PYM1: variants seen among roughly 807,000 people sequenced by gnomAD.
The protein encoded by PYM1 is partner of Y14 and mago.
A neutral mutation model predicts 20.7 loss-of-function variants in PYM1; 7 were observed. The observed-to-expected ratio is 0.34, with a 90% CI of 0.19 to 0.64. The LOEUF (loss-of-function observed/expected upper bound fraction) is 0.64, where lower values mean the gene tolerates loss of function less well. Ranked by LOEUF, PYM1 falls within the 30% of genes least tolerant of loss-of-function variation. The pLI, the probability that PYM1 is intolerant of heterozygous loss-of-function variation, is 0.74. For missense variants in PYM1, 194 were observed against 250.0 expected (o/e 0.78, Z 1.51); for synonymous variants, 100 against 99.2 (o/e 1.01, Z -0.05).
At chr12:55,914,170 G>C in intron 1 of PYM1, 3 of 624,046 alleles carry the variant, frequency 4.8e-6, no homozygotes, top group Non-Finnish European at 8.7e-6. Flanking sequence ...AGGTTTAGGA[G>C]GACTAAAGAT....
intron 1 of PYM1, among the ~76,000 whole-genome samples, chr12:55,907,855 C>T (rs1332549236): frequency 2.6e-5 from 4 of 152,036 alleles, no homozygotes; most frequent in Non-Finnish European, 5.9e-5. Context: ...AGGAAAATCA[C>T]TTGAACCCGG....
intron 2 of PYM1, 108 bp from the exon 3 acceptor site, chr12:55,902,463 T>C: frequency 1.4e-6 from 2 of 1,446,290 alleles, no homozygotes; most frequent in Non-Finnish European, 1.8e-6. Flanking sequence ...CTTCCTTTTT[T>C]TGTTGTTGTT....
chr12:55,918,391 C>T (rs559450608), intron 1 of PYM1, among the ~76,000 whole-genome samples: 177 of 152,100 alleles, frequency 1.2e-3, no homozygotes, highest in Admixed American at 3.8e-3. Context: ...TGAGCCACTG[C>T]GCCCAACCAC....
chr12:55,913,011 C>G (rs2136263094), intron 1 of PYM1, among the ~76,000 whole-genome samples: 1 of 152,190 alleles, frequency 6.6e-6, no homozygotes, highest in East Asian at 1.9e-4. Flanking sequence ...AAATCTCAAC[C>G]TGACCCATGT....
At chr12:55,903,540 G>A (rs1882731820) in intron 1 of PYM1, 60 bp from the exon 2 acceptor site, 2 of 1,533,846 alleles carry the variant, frequency 1.3e-6, no homozygotes, top group African/African-American at 2.7e-5. Context: ...TACAAGATGA[G>A]ACAAGAATGT....
chr12:55,927,388 C>G (rs935346177), intron 1 of PYM1: 4 of 716,658 alleles, frequency 5.6e-6, no homozygotes, highest in Non-Finnish European at 1.0e-5. Flanking sequence ...CACAGTCCCT[C>G]TCATCCCCAG....
rs58895827 is a variant in PYM1 at position 55,906,199 on chromosome 12, T to A, written c.38-2719A>T. Among the ~76,000 whole-genome samples, 335 of 151,180 alleles carry A rather than the reference T, an allele frequency of 2.2e-3. 5 individuals carry two copies. In the East Asian group the frequency reaches 0.028, roughly 13 times the overall value. Reference sequence around the variant, plus strand: ...TACTGCTCCATGAGAAGAAAGTTTGTTCAGCTTGCAATTCAGACAACCATC... The same window carrying A: ...TACTGCTCCATGAGAAGAAAGTTTGATCAGCTTGCAATTCAGACAACCATC... On this transcript the variant is annotated intron_variant, in intron 1 of 2. Transcript: ENST00000408946.
chr12:55,911,828 C>A lies in PYM1; in HGVS notation c.38-8348G>T, dbSNP rs1391344165. On this transcript the variant is annotated intron_variant, in intron 1 of 2. Transcript: ENST00000408946. ...TGCACTCTAGCCTGGGTGACAAGAG[C>A]GAAACTCCATCAAGAAAAGAGAAGG... 2.0e-5 allele frequency among the ~76,000 whole-genome samples: 3 copies of A among 147,784 alleles called. No homozygotes were observed. In the East Asian group the frequency reaches 6.2e-4, roughly 30 times the overall value.
intron 1 of PYM1, among the ~76,000 whole-genome samples, chr12:55,918,000 G>T (rs911177368): frequency 6.6e-6 from 1 of 151,188 alleles, no homozygotes; most frequent in African/African-American, 2.4e-5. Flanking sequence ...TTAACTATTG[G>T]GTACTAAGCT....
intron 1 of PYM1, among the ~76,000 whole-genome samples, chr12:55,906,717 C>T (rs968229345): frequency 2.0e-5 from 3 of 151,976 alleles, no homozygotes; most frequent in South Asian, 2.1e-4. Context: ...GGTGCAGTCT[C>T]GGCTCACTGC....
intron 1 of PYM1, among the ~76,000 whole-genome samples, chr12:55,910,290 A>T (rs910869759): frequency 2.1e-5 from 3 of 144,052 alleles, no homozygotes; most frequent in Non-Finnish European, 3.0e-5. Flanking sequence ...TATATATAAA[A>T]TTTTTTTTGA....
intron 1 of PYM1, among the ~76,000 whole-genome samples, chr12:55,921,042 T>A (rs1267662593): frequency 1.3e-5 from 2 of 152,198 alleles, no homozygotes; most frequent in Non-Finnish European, 1.5e-5. Context: ...CTGGTAGCAG[T>A]GTATCTGTAG....
intron 1 of PYM1, among the ~76,000 whole-genome samples, chr12:55,912,677 A>G (rs550714183): frequency 1.3e-5 from 2 of 152,264 alleles, no homozygotes; most frequent in East Asian, 1.9e-4. Flanking sequence ...CTAGAAACAA[A>G]TATTTGGCTG....
intron 1 of PYM1, among the ~76,000 whole-genome samples, chr12:55,907,301 T>C (rs545681565): frequency 6.6e-6 from 1 of 150,506 alleles, no homozygotes; most frequent in African/African-American, 2.4e-5. Flanking sequence ...CTGCCTCTAC[T>C]AAAAATACAA....
At chr12:55,908,380 T>C (rs1312688087) in intron 1 of PYM1, among the ~76,000 whole-genome samples, 1 of 146,368 alleles carries the variant, frequency 6.8e-6, no homozygotes, top group Non-Finnish European at 1.5e-5. Flanking sequence ...AGTGAGCCAA[T>C]ATCGTGCTAC....
At chr12:55,922,985 G>A (rs574304766) in intron 1 of PYM1, among the ~76,000 whole-genome samples, 5 of 152,314 alleles carry the variant, frequency 3.3e-5, no homozygotes, top group African/African-American at 1.2e-4. Context: ...CAGCACTTTG[G>A]GAGGCCGAGG....
intron 1 of PYM1, among the ~76,000 whole-genome samples, chr12:55,922,520 G>A (rs906288926): frequency 6.6e-6 from 1 of 151,690 alleles, no homozygotes; most frequent in African/African-American, 2.4e-5. Context: ...AGGAGGCTGA[G>A]GTGGGAGGAT....
At chr12:55,907,371 G>A (rs1445703961) in intron 1 of PYM1, among the ~76,000 whole-genome samples, 1 of 148,320 alleles carries the variant, frequency 6.7e-6, no homozygotes, top group African/African-American at 2.5e-5. Flanking sequence ...GGCCGAGGCA[G>A]GTGGATTGCC....
At chr12:55,927,447 A>G (rs140770226) in intron 1 of PYM1, 1 of 698,400 alleles carries the variant, frequency 1.4e-6, no homozygotes, top group East Asian at 2.7e-5. Context: ...CGCAAGGCCC[A>G]CCTGCACCCA....
Sources: gnomAD v4.1 joint callset for allele counts (sites outside exome capture counted in the v4.1 genomes callset) on GRCh38, gnomAD v4.1.1 for gene constraint, MANE v1.5 for transcripts, NCBI Gene and HGNC (gene_info 2026-07-23, HGNC 2026-07-21) for gene names.